Variants in GC observed in about 807,000 individuals in gnomAD.
The protein encoded by GC is vitamin D-binding protein.
Under a neutral mutation model 56.7 loss-of-function variants are expected in GC, and 43 were observed. That is an observed-to-expected ratio of 0.76 (90% CI 0.59 to 0.98). The LOEUF (loss-of-function observed/expected upper bound fraction) is 0.98. GC is among the 50% of genes least tolerant of loss of function. The pLI, the probability that GC is intolerant of heterozygous loss-of-function variation, is 0.00. For synonymous variants in GC, 216 were observed against 202.7 expected (o/e 1.07, Z -0.56); for missense variants, 529 against 545.9 (o/e 0.97, Z 0.31).
At chr4:71,786,993 C>A (rs143807144), upstream of GC, among the ~76,000 whole-genome samples, 64 of 151,940 alleles carry the variant, frequency 4.2e-4, no homozygotes, top group East Asian at 0.012. Context: ...GAACAGAACA[C>A]AATCCAGGTT....
intron 1 of GC, among the ~76,000 whole-genome samples, chr4:71,799,285 C>T (rs746784512): frequency 1.1e-4 from 17 of 152,258 alleles, no homozygotes; most frequent in South Asian, 2.1e-4. Context: ...CCCAGCTCAG[C>T]GAGACAGATA....
intron 2 of GC, 75 bp from the exon 3 acceptor site, chr4:71,768,508 A>C (rs1578301502): frequency 1.5e-6 from 2 of 1,369,582 alleles, no homozygotes; most frequent in South Asian, 2.8e-5. Context: ...TCGCTCTGTT[A>C]CCCAGGCTGG....
chr4:71,742,259 A>T (rs1367393416), intron 12 of GC, among the ~76,000 whole-genome samples: 1 of 152,234 alleles, frequency 6.6e-6, no homozygotes, highest in African/African-American at 2.4e-5. Flanking sequence ...TTGAGACAAT[A>T]GTTGAGTAGT....
At chr4:71,784,201 C>A (rs1742774799), upstream of GC, 2 of 1,283,854 alleles carry the variant, frequency 1.6e-6, no homozygotes, top group Admixed American at 4.0e-5. Context: ...TATCTTTGGC[C>A]CAAAAGAGAT....
At chr4:71,784,520 G>C (rs779280706), upstream of GC, among the ~76,000 whole-genome samples, 3 of 151,562 alleles carry the variant, frequency 2.0e-5, no homozygotes, top group African/African-American at 7.3e-5. Flanking sequence ...TTAAAATATT[G>C]CAGACCAGAT....
chr4:71,756,877 G>A lies in GC; in HGVS notation c.869C>T (p.Ser290Phe). The A allele has an allele frequency of 1.2e-6, 2 of 1,613,546 alleles. No individual in the cohort carries two copies. Among genetic ancestry groups the A allele is most frequent in the Non-Finnish European group, 8.5e-7 (1 of 1,179,500 alleles). The change falls in exon 8 of 13, where the codon TCC becomes TTC. Residue 290 changes from serine to phenylalanine, a missense_variant. Physicochemically the swap from Ser to Phe is radical, Grantham distance 155. Transcript: ENST00000273951. ...GTCTTCAAACTTAGAATTCTTTGTG[G>A]ATAAATTGTCACAGAGTTTTACTGT... ...EHTVKLCDNLSTKNSKFEDCC... is the reference protein window; with the variant it reads ...EHTVKLCDNLFTKNSKFEDCC...
chr4:71,762,784 G>A (rs1241169051), intron 6 of GC, among the ~76,000 whole-genome samples: 1 of 152,172 alleles, frequency 6.6e-6, no homozygotes, highest in Admixed American at 6.5e-5. Context: ...CACGTAAGAT[G>A]TGACTTGCTC....
intron 1 of GC, among the ~76,000 whole-genome samples, chr4:71,794,509 T>G (rs537940122): frequency 3.0e-4 from 45 of 152,340 alleles, no homozygotes; most frequent in Non-Finnish European, 3.7e-4. Context: ...GATATCCCCT[T>G]TATCATATTT....
At chr4:71,763,589 T>C in intron 5 of GC, 87 bp from the exon 6 acceptor site, 1 of 820,508 alleles carries the variant, frequency 1.2e-6, no homozygotes, top group Admixed American at 2.3e-5. Flanking sequence ...ATTAATTTCA[T>C]GATTTTTTAA....
intron 1 of GC, among the ~76,000 whole-genome samples, chr4:71,795,155 C>T (rs1743066595): frequency 6.6e-6 from 1 of 152,132 alleles, no homozygotes; most frequent in Middle Eastern, 3.2e-3. Flanking sequence ...GTGGAGAGTT[C>T]TGTAGCTGTC....
Position 71,792,701 on chromosome 4 carries a change from T to C in GC, c.22-8647A>G, listed in dbSNP as rs182869953. Among the ~76,000 whole-genome samples the C allele has an allele frequency of 5.3e-5, 8 of 152,346 alleles. No individual in the cohort carries two copies. The East Asian group carries it at 1.2e-3, about 22-fold the overall frequency. ...TTGTCTATTTTGACTTTTGTTGCCA[T>C]AGCTTTTGGTGTTTTAGTCATAAAG... On this transcript the variant is annotated intron_variant, in intron 1 of 13. Coordinates refer to the GC transcript ENST00000504199.
At chr4:71,761,053 C>T (rs1307123398) in intron 6 of GC, among the ~76,000 whole-genome samples, 2 of 152,252 alleles carry the variant, frequency 1.3e-5, no homozygotes, top group South Asian at 4.1e-4. Flanking sequence ...AACTGGGTAA[C>T]AGGCAGAGGT....
At chr4:71,748,170 C>T (rs186592223) in intron 11 of GC, among the ~76,000 whole-genome samples, 1 of 152,218 alleles carries the variant, frequency 6.6e-6, no homozygotes, top group Admixed American at 6.5e-5. Flanking sequence ...TTGGGTTATT[C>T]TATAAATACA....
At chr4:71,790,694 T>G (rs1211335206) in intron 1 of GC, among the ~76,000 whole-genome samples, 2 of 151,778 alleles carry the variant, frequency 1.3e-5, no homozygotes, top group Non-Finnish European at 2.9e-5. Context: ...CTAATAATAT[T>G]TTATCTTTAA....
chr4:71,801,409 G>T (rs943408123), intron 1 of GC, among the ~76,000 whole-genome samples: 1 of 152,140 alleles, frequency 6.6e-6, no homozygotes. Flanking sequence ...CACTGGTTTT[G>T]CTGCCGTAGA....
At chr4:71,758,524 A>C (rs1741859991) in intron 6 of GC, among the ~76,000 whole-genome samples, 1 of 152,190 alleles carries the variant, frequency 6.6e-6, no homozygotes, top group Non-Finnish European at 1.5e-5. Context: ...GTGGCCTCTC[A>C]CAGAGTTGTA....
In GC at chr4:71,747,644, A is replaced by T. The variant is rs2149293011; in HGVS notation, c.1396-1439T>A. On this transcript the variant is annotated intron_variant, in intron 11 of 12. Transcript: ENST00000273951. Reference sequence around the variant, plus strand: ...GTCATATGGTACCATCAAAAGCCAGACTGCAAAGGGTTGAGGAATTAATAA... The same window carrying T: ...GTCATATGGTACCATCAAAAGCCAGTCTGCAAAGGGTTGAGGAATTAATAA... Among the ~76,000 whole-genome samples the T allele has an allele frequency of 2.0e-5, 3 of 152,284 alleles. No individual in the cohort carries two copies. The South Asian group carries it at 6.2e-4, about 32-fold the overall frequency.
rs574462312 is a variant in GC, at chr4:71,755,245, C to G, written c.1035-138G>C. The G allele has an allele frequency of 2.6e-3, 631 of 245,378 alleles. 5 individuals are homozygous for G. The highest frequency in any genetic ancestry group is 0.013 in the African/African-American group (590 of 43,942). The allele number at this position is 245,378 out of a possible 1,614,324, so 15.2% of individuals were successfully genotyped here. ...TGGTGCCATCTTGGCTCGCTGTAACCTCTGCCTCCTGGGTTCAAGCGATTC... is the reference window on the plus strand; with the variant it reads ...TGGTGCCATCTTGGCTCGCTGTAACGTCTGCCTCCTGGGTTCAAGCGATTC... On this transcript the variant is annotated intron_variant, in intron 8 of 12. Coordinates refer to ENST00000273951, the MANE Select transcript of GC (RefSeq NM_000583.4).
At chr4:71,767,802 C>A (rs1329942643) in intron 3 of GC, among the ~76,000 whole-genome samples, 13 of 151,668 alleles carry the variant, frequency 8.6e-5, no homozygotes, top group Admixed American at 8.5e-4. Flanking sequence ...AGTTTTTTAT[C>A]CCTCACCCCC....
Sources: allele counts gnomAD v4.1 joint callset (sites outside exome capture counted in the v4.1 genomes callset), GRCh38; gene constraint gnomAD v4.1.1; transcripts MANE v1.5; gene names NCBI Gene and HGNC (gene_info 2026-07-23, HGNC 2026-07-21).